AUTS2: variants seen among roughly 807,000 people sequenced by gnomAD.
The protein encoded by AUTS2 is autism susceptibility gene 2 protein.
A neutral mutation model predicts 112.4 loss-of-function variants in AUTS2; 17 were observed. That is an observed-to-expected ratio of 0.15 (90% confidence interval 0.10 to 0.23). The LOEUF is 0.23. Among genes scored for constraint, AUTS2 ranks in the 10% least tolerant of loss-of-function variants. The pLI is 1.00. For synonymous variants in AUTS2, 751 were observed against 702.7 expected (o/e 1.07, Z -1.09); for missense variants, 1,510 against 1,701.6 (o/e 0.89, Z 1.98).
chr7:70,214,414 G>A (rs994025324), intron 4 of AUTS2, among the ~76,000 whole-genome samples: 2 of 151,412 alleles, frequency 1.3e-5, no homozygotes, highest in African/African-American at 2.4e-5. Flanking sequence ...TTTTAATTTA[G>A]CATTCATTTT....
intron 4 of AUTS2, among the ~76,000 whole-genome samples, chr7:70,258,345 T>C (rs905588783): frequency 6.6e-5 from 10 of 152,218 alleles, no homozygotes; most frequent in African/African-American, 2.4e-4. Flanking sequence ...GTAGCAAATG[T>C]CATCAAAGAG....
chr7:69,726,528 A>C (rs1036141732), intron 1 of AUTS2, among the ~76,000 whole-genome samples: 3 of 149,626 alleles, frequency 2.0e-5, no homozygotes, highest in African/African-American at 7.4e-5. Context: ...TTTTTTTGGC[A>C]GACATAGGTC....
At chr7:70,081,046 C>A (rs181643569) in intron 2 of AUTS2, among the ~76,000 whole-genome samples, 1 of 152,078 alleles carries the variant, frequency 6.6e-6, no homozygotes, top group Non-Finnish European at 1.5e-5. Context: ...GCAGCTAATG[C>A]GTGAGGATTT....
intron 6 of AUTS2, among the ~76,000 whole-genome samples, chr7:70,700,947 T>G (rs554188636): frequency 6.6e-6 from 1 of 152,312 alleles, no homozygotes; most frequent in South Asian, 2.1e-4. Flanking sequence ...ATAAAAAGCA[T>G]CATAAGAAAG....
chr7:70,171,987 G>A (rs912602601), intron 4 of AUTS2, among the ~76,000 whole-genome samples: 3 of 151,890 alleles, frequency 2.0e-5, no homozygotes, highest in Non-Finnish European at 4.4e-5. Context: ...TGCATTTCTG[G>A]GGTCAGATGA....
intron 1 of AUTS2, among the ~76,000 whole-genome samples, chr7:69,750,792 T>G (rs1403173282): frequency 6.6e-6 from 1 of 152,118 alleles, no homozygotes; most frequent in Non-Finnish European, 1.5e-5. Context: ...TAGCTTCATT[T>G]CACAGACTAG....
intron 5 of AUTS2, among the ~76,000 whole-genome samples, chr7:70,521,713 A>C (rs1175843633): frequency 6.6e-6 from 1 of 152,176 alleles, no homozygotes; most frequent in African/African-American, 2.4e-5. Context: ...ACTTAGATGC[A>C]ATGTTTTACT....
At chr7:70,559,659 A>G (rs1035152172) in intron 5 of AUTS2, among the ~76,000 whole-genome samples, 1 of 151,956 alleles carries the variant, frequency 6.6e-6, no homozygotes, top group African/African-American at 2.4e-5. Context: ...TTTACTTCCC[A>G]GTCTCAACAT....
At chr7:70,466,813 G>C (rs958605272) in intron 5 of AUTS2, among the ~76,000 whole-genome samples, 83 of 152,300 alleles carry the variant, frequency 5.4e-4, no homozygotes, top group Non-Finnish European at 9.0e-4. Context: ...ATTTAAAGCA[G>C]GGATAGACAT....
At chr7:70,163,042 T>C (rs965805464) in intron 4 of AUTS2, among the ~76,000 whole-genome samples, 3 of 151,960 alleles carry the variant, frequency 2.0e-5, no homozygotes, top group African/African-American at 7.3e-5. Flanking sequence ...TTAAAAGAGA[T>C]GACTTTGCCT....
At position 70,219,192 on chromosome 7, in the gene AUTS2, C is replaced by G. The variant is rs577960240; in HGVS notation, c.660+84621C>G. On this transcript the variant is annotated intron_variant, in intron 4 of 18. Transcript: ENST00000342771. ...ATTATACCAAATGATGGAATAAAAT[C>G]CAATGGAAAACATCTCTCTCATTGC... is the stretch of plus-strand genomic sequence containing the variant. Among the ~76,000 whole-genome samples the G allele has an allele frequency of 7.9e-5, 12 of 152,284 alleles. No homozygotes were observed. The South Asian group carries it at 2.5e-3, about 32-fold the overall frequency.
intron 4 of AUTS2, among the ~76,000 whole-genome samples, chr7:70,165,798 T>A (rs1808349940): frequency 6.6e-6 from 1 of 152,194 alleles, no homozygotes; most frequent in Non-Finnish European, 1.5e-5. Flanking sequence ...TCTAATCTTT[T>A]GAAATGAGAT....
chr7:69,757,774 A>G (rs887415432), intron 1 of AUTS2, among the ~76,000 whole-genome samples: 19 of 152,202 alleles, frequency 1.2e-4, no homozygotes, highest in African/African-American at 3.6e-4. Flanking sequence ...CAAAGTGTTC[A>G]TATCACTGTA....
chr7:69,962,266 A>G (rs1336483340), intron 2 of AUTS2, among the ~76,000 whole-genome samples: 1 of 152,066 alleles, frequency 6.6e-6, no homozygotes, highest in African/African-American at 2.4e-5. Context: ...GGTGCCATTT[A>G]ATTCTGTTCT....
At chr7:69,859,146 T>C (rs982649202) in intron 1 of AUTS2, among the ~76,000 whole-genome samples, 1 of 152,164 alleles carries the variant, frequency 6.6e-6, no homozygotes, top group Non-Finnish European at 1.5e-5. Flanking sequence ...CTGTATAAGA[T>C]TTGAGGATAT....
intron 1 of AUTS2, among the ~76,000 whole-genome samples, chr7:69,853,383 C>T (rs1333455552): frequency 6.6e-6 from 1 of 151,928 alleles, no homozygotes; most frequent in Non-Finnish European, 1.5e-5. Context: ...TTTTAATGTC[C>T]CTCTCTGTTT....
chr7:70,555,057 G>A (rs1223108969), intron 5 of AUTS2, among the ~76,000 whole-genome samples: 1 of 152,222 alleles, frequency 6.6e-6, no homozygotes, highest in African/African-American at 2.4e-5. Context: ...GATAAAATAT[G>A]TCCTTTAGCT....
chr7:70,542,703 T>G (rs1278437458), intron 5 of AUTS2, among the ~76,000 whole-genome samples: 1 of 152,226 alleles, frequency 6.6e-6, no homozygotes, highest in Non-Finnish European at 1.5e-5. Context: ...AATATTCTTG[T>G]TCCCATTTAG....
intron 6 of AUTS2, among the ~76,000 whole-genome samples, chr7:70,728,707 C>CCA (rs1787180160): frequency 1.2e-5 from 1 of 81,628 alleles, no homozygotes; most frequent in Non-Finnish European, 2.4e-5. Flanking sequence ...GACTCTGTCT[C>CCA]AAAAAAAAAA....
Sources: allele counts gnomAD v4.1 joint callset (sites outside exome capture counted in the v4.1 genomes callset), GRCh38; gene constraint gnomAD v4.1.1; transcripts MANE v1.5; gene names NCBI Gene and HGNC (gene_info 2026-07-23, HGNC 2026-07-21).